Variants in FBXO48 observed in about 807,000 individuals in gnomAD.
FBXO48 encodes the protein F-box protein 48.
FBXO48 carries 12 observed loss-of-function variants against 14.3 expected under a neutral mutation model. The observed-to-expected ratio is 0.84, with a 90% CI of 0.54 to 1.36. The LOEUF (loss-of-function observed/expected upper bound fraction) is 1.36, where lower values mean the gene tolerates loss of function less well. FBXO48 is among the 40% of genes most tolerant of loss of function. FBXO48 has a pLI of 0.00. For synonymous variants in FBXO48, 53 were observed against 61.7 expected (o/e 0.86, Z 0.66); for missense variants, 177 against 179.1 (o/e 0.99, Z 0.07).
chr2:68,460,232 G>A lies in FBXO48; in HGVS notation c.*3977C>T, dbSNP rs1675229446. 6.6e-6 allele frequency: 1 copy of A among 152,188 alleles called. No individual in the cohort carries two copies. Among genetic ancestry groups the A allele is most frequent in the Admixed American group, 6.5e-5 (1 of 15,276 alleles). The allele number at this position is 152,188 out of a possible 1,614,324, so 9.4% of individuals were successfully genotyped here. The stretch of plus-strand genomic sequence containing the variant: ...TGCTAACAGTAAAAGGAAGGAACTG[G>A]AGGCAGGAACACCAGTAAGAGGTTA... On this transcript the variant is annotated 3_prime_UTR_variant, in exon 4 of 4. Coordinates refer to ENST00000377957, the MANE Select transcript of FBXO48 (RefSeq NM_001024680.3).
rs950133162 is a variant in FBXO48, at chr2:68,461,169, G to T, written c.*3040C>A. The stretch of plus-strand genomic sequence containing the variant: ...TGAAACTCAATTTGAATTAATTTAG[G>T]TAAGCAGATAAGGAATGGCTGGGAC... On this transcript the variant is annotated 3_prime_UTR_variant, in exon 4 of 4. Coordinates refer to ENST00000377957, the MANE Select transcript of FBXO48 (RefSeq NM_001024680.3). The T allele has an allele frequency of 6.6e-6, 1 of 152,116 alleles. No individual in the cohort carries two copies. The highest frequency in any genetic ancestry group is 1.5e-5 in the Non-Finnish European group (1 of 68,026). 9.4% of individuals were successfully genotyped at this position (152,116 alleles called of 1,614,324 possible). A position where few individuals can be genotyped will look rare whatever the true frequency, so the allele number is the denominator to read the frequency against.
rs1187074498 is a variant in FBXO48 at position 68,459,998 on chromosome 2, G to A, written c.*4211C>T. 6.6e-6 allele frequency: 1 copy of A among 152,216 alleles called. No homozygotes were observed. Among genetic ancestry groups the A allele is most frequent in the Non-Finnish European group, 1.5e-5 (1 of 68,044 alleles). 9.4% of individuals were successfully genotyped at this position (152,216 alleles called of 1,614,324 possible). ...AAACAGCCTGTGCAAAGGCAGAGAA[G>A]TGAGAAAATTTTTATGAAATAGTTT... On this transcript the variant is annotated 3_prime_UTR_variant, in exon 4 of 4. Transcript: ENST00000377957.
rs1434943892 is a variant in FBXO48 at position 68,466,214 on chromosome 2, C to G, written c.-104G>C. 6.6e-6 allele frequency: 1 copy of G among 152,194 alleles called. No individual in the cohort carries two copies. Among genetic ancestry groups the G allele is most frequent in the East Asian group, 1.9e-4 (1 of 5,202 alleles). 9.4% of individuals were successfully genotyped at this position (152,194 alleles called of 1,614,324 possible). ...TGGGTACATCACCATCCTTGAGTTA[C>G]TTTTGTATATAAAGACAGCTTGTAT... On this transcript the variant is annotated 5_prime_UTR_variant, in exon 2 of 4. Coordinates refer to ENST00000377957, the MANE Select transcript of FBXO48 (RefSeq NM_001024680.3).
At position 68,464,110 on chromosome 2, in the gene FBXO48, GAAC is replaced by G; in HGVS notation, c.*96_*98del. ...CCATTTCATTTTCTTTTAAAAAGGT[GAAC>G]AACAAAATGAACGAATAAAGATATC... On this transcript the variant is annotated 3_prime_UTR_variant, in exon 4 of 4. Transcript: ENST00000377957. The G allele has an allele frequency of 3.8e-6, 4 of 1,059,052 alleles. No homozygotes were observed. The highest frequency in any genetic ancestry group is 2.4e-5 in the East Asian group (1 of 41,492). The allele number at this position is 1,059,052 out of a possible 1,614,324, so 65.6% of individuals were successfully genotyped here.
chr2:68,464,445 G>A (rs933002879), intron 3 of FBXO48, 75 bp from the exon 4 acceptor site: 2 of 1,335,832 alleles, frequency 1.5e-6, no homozygotes, highest in Non-Finnish European at 2.1e-6. Context: ...AGCAAGAGAA[G>A]CAGATTGACA....
chr2:68,465,249 T>G (rs1009605140), intron 2 of FBXO48, 71 bp from the exon 3 acceptor site: 4 of 779,006 alleles, frequency 5.1e-6, no homozygotes, highest in Admixed American at 2.9e-5. Context: ...TCAGATGCTT[T>G]TTGGGTATAA....
At position 68,460,058 on chromosome 2, in the gene FBXO48, G is replaced by C. The variant is rs549712345; in HGVS notation, c.*4151C>G. ...GAACAGAAAGATATAGGGTGGGACA[G>C]TGGTTAGAGAACAGGCTGGAGAGGT... On this transcript the variant is annotated 3_prime_UTR_variant, in exon 4 of 4. Coordinates refer to ENST00000377957, the MANE Select transcript of FBXO48 (RefSeq NM_001024680.3). 2.6e-5 allele frequency: 4 copies of C among 152,246 alleles called. No individual in the cohort carries two copies. Among genetic ancestry groups the C allele is most frequent in the African/African-American group, 4.8e-5 (2 of 41,466 alleles). The allele number at this position is 152,246 out of a possible 1,614,324, so 9.4% of individuals were successfully genotyped here.
chr2:68,465,956 A>G (rs924086315), intron 2 of FBXO48, among the ~76,000 whole-genome samples, 188 bp downstream of exon 2: 3 of 152,250 alleles, frequency 2.0e-5, no homozygotes, highest in Non-Finnish European at 2.9e-5. Flanking sequence ...CAACTCAGTC[A>G]TAAGAGTAGT....
chr2:68,465,138 T>A lies in FBXO48; in HGVS notation c.8A>T (p.Lys3Ile), dbSNP rs1675369245. ...TAAATTATTGTTTCTCTTGGAGTTT[T>A]TATGCATAGCTTAATGTTTTAAGTT... is the stretch of plus-strand genomic sequence containing the variant. MH[K>I]NSKRNNNLRV... Residue 3 changes from lysine to isoleucine, a missense_variant, in exon 3 of 4, where the codon AAA becomes ATA. Coordinates refer to ENST00000377957, the MANE Select transcript of FBXO48 (RefSeq NM_001024680.3). 6.2e-7 allele frequency: 1 copy of A among 1,604,452 alleles called. No individual in the cohort carries two copies.
At chr2:68,464,698 T>G (rs1675353676) in intron 3 of FBXO48, 142 bp downstream of exon 3, 1 of 665,512 alleles carries the variant, frequency 1.5e-6, no homozygotes, top group Non-Finnish European at 2.6e-6. Context: ...CTAATAACTT[T>G]AACTCATTTC....
chr2:68,460,855 C>A lies in FBXO48; in HGVS notation c.*3354G>T, dbSNP rs531199605. The A allele has an allele frequency of 1.3e-5, 2 of 152,202 alleles. No individual in the cohort carries two copies. Among genetic ancestry groups the A allele is most frequent in the South Asian group, 4.1e-4 (2 of 4,830 alleles). The allele number at this position is 152,202 out of a possible 1,614,324, so 9.4% of individuals were successfully genotyped here. A position where few individuals can be genotyped will look rare whatever the true frequency, so the allele number is the denominator to read the frequency against. On this transcript the variant is annotated 3_prime_UTR_variant, in exon 4 of 4. Coordinates refer to ENST00000377957, the MANE Select transcript of FBXO48 (RefSeq NM_001024680.3). ...AAAGTCCAAGAGACTATAGTTCCAA[C>A]CCATGGAGGAGAGAGTTTTAAGAAG...
In FBXO48 at chr2:68,464,024, A is replaced by G; in HGVS notation, c.*185T>C. The G allele has an allele frequency of 1.9e-6, 1 of 535,452 alleles. No individual in the cohort carries two copies. The highest frequency in any genetic ancestry group is 2.8e-5 in the South Asian group (1 of 35,616). 33.2% of individuals were successfully genotyped at this position (535,452 alleles called of 1,614,324 possible). A position where few individuals can be genotyped will look rare whatever the true frequency, so the allele number is the denominator to read the frequency against. On this transcript the variant is annotated 3_prime_UTR_variant, in exon 4 of 4. Transcript: ENST00000377957. ...TTTCATGATTTTTCCACATTACAATAAAACCAGAAAAATTTTACTAAAGTG... is the reference window on the plus strand; with the variant it reads ...TTTCATGATTTTTCCACATTACAATGAAACCAGAAAAATTTTACTAAAGTG...
At position 68,460,007 on chromosome 2, in the gene FBXO48, T is replaced by A. The variant is rs1363562421; in HGVS notation, c.*4202A>T. 6.6e-6 allele frequency: 1 copy of A among 152,074 alleles called. No individual in the cohort carries two copies. Among genetic ancestry groups the A allele is most frequent in the African/African-American group, 2.4e-5 (1 of 41,412 alleles). 9.4% of individuals were successfully genotyped at this position (152,074 alleles called of 1,614,324 possible). ...GTGCAAAGGCAGAGAAGTGAGAAAA[T>A]TTTTATGAAATAGTTTTGTAAGACT... On this transcript the variant is annotated 3_prime_UTR_variant, in exon 4 of 4. Coordinates refer to ENST00000377957, the MANE Select transcript of FBXO48 (RefSeq NM_001024680.3).
chr2:68,464,423 G>C (rs1675344223), intron 3 of FBXO48, 53 bp from the exon 4 acceptor site: 2 of 1,548,368 alleles, frequency 1.3e-6, no homozygotes, highest in Non-Finnish European at 1.8e-6. Context: ...GTTGGTTAGT[G>C]AATGTGTTTA....
chr2:68,465,935 T>G (rs945773063), intron 2 of FBXO48, among the ~76,000 whole-genome samples: 1 of 152,202 alleles, frequency 6.6e-6, no homozygotes, highest in Non-Finnish European at 1.5e-5. Flanking sequence ...TGAAACAAAG[T>G]CTCAAATATT....
Position 68,465,139 on chromosome 2 carries a change from T to TA in FBXO48, c.6dup (p.Lys3Ter). 1 of 1,603,170 alleles carries TA rather than the reference T, an allele frequency of 6.2e-7. No individual in the cohort carries two copies. The highest frequency in any genetic ancestry group is 8.5e-7 in the Non-Finnish European group (1 of 1,174,296). ...AAATTATTGTTTCTCTTGGAGTTTT[T>TA]ATGCATAGCTTAATGTTTTAAGTTA... On this transcript the variant is annotated frameshift_variant, in exon 3 of 4. Coordinates refer to ENST00000377957, the MANE Select transcript of FBXO48 (RefSeq NM_001024680.3). LOFTEE classifies it high-confidence loss of function.
chr2:68,465,399 G>A (rs1387735514), intron 2 of FBXO48, among the ~76,000 whole-genome samples: 1 of 151,830 alleles, frequency 6.6e-6, no homozygotes, highest in Non-Finnish European at 1.5e-5. Flanking sequence ...GCACATGGGA[G>A]GCACCCAACA....
rs1406142571 is a variant in FBXO48 at position 68,463,294 on chromosome 2, A to G, written c.*915T>C. 1 of 152,178 alleles carries G rather than the reference A, an allele frequency of 6.6e-6. No homozygotes were observed. The allele number at this position is 152,178 out of a possible 1,614,324, so 9.4% of individuals were successfully genotyped here. A position where few individuals can be genotyped will look rare whatever the true frequency, so the allele number is the denominator to read the frequency against. The stretch of plus-strand genomic sequence containing the variant: ...AATTTGTTATAGTGAGTAGCATATA[A>G]TCTGTTTTTATGAAAAAAGAGAAAC... On this transcript the variant is annotated 3_prime_UTR_variant, in exon 4 of 4. Coordinates refer to ENST00000377957, the MANE Select transcript of FBXO48 (RefSeq NM_001024680.3).
rs1395228951 is a variant in FBXO48, at chr2:68,464,298, A to C, written c.379T>G (p.Cys127Gly). Residue 127 changes from cysteine to glycine, a missense_variant, in exon 4 of 4, where the codon TGT (cysteine) becomes GGT (glycine). Cys to Gly is a radical substitution (Grantham distance 159). Coordinates refer to ENST00000377957, the MANE Select transcript of FBXO48 (RefSeq NM_001024680.3). Reference sequence around the variant, plus strand: ...TTTTCTGGTAGGCTAATGGGAGAACAAATGTTGCTGTATCTGCCACTTAGC... The same window carrying C: ...TTTTCTGGTAGGCTAATGGGAGAACCAATGTTGCTGTATCTGCCACTTAGC... Reference protein sequence around the residue: ...EWLSGRYSNICSPISLPEKIM... With the variant: ...EWLSGRYSNIGSPISLPEKIM... The C allele has an allele frequency of 6.2e-7, 1 of 1,613,846 alleles. No homozygotes were observed. The highest frequency in any genetic ancestry group is 1.7e-5 in the Admixed American group (1 of 60,012).
Sources: gnomAD v4.1 joint callset for allele counts (sites outside exome capture counted in the v4.1 genomes callset) on GRCh38, gnomAD v4.1.1 for gene constraint, MANE v1.5 for transcripts, NCBI Gene and HGNC (gene_info 2026-07-23, HGNC 2026-07-21) for gene names.